TSNARE1: variants seen among roughly 807,000 people sequenced by gnomAD.
TSNARE1 encodes the protein t-SNARE domain-containing protein 1.
A neutral mutation model predicts 62.0 loss-of-function variants in TSNARE1; 49 were observed. The ratio of observed to expected loss-of-function variants is 0.79; its 90% CI spans 0.63 to 1.00. TSNARE1 has a LOEUF of 1.00. Ranked by LOEUF, TSNARE1 falls within the 50% of genes least tolerant of loss-of-function variation. The probability of loss-of-function intolerance (pLI) is 0.00; values close to 1 mark genes in which losing one functional copy is unlikely to be tolerated. For missense variants in TSNARE1, 755 were observed against 700.1 expected (o/e 1.08, Z -0.88); for synonymous variants, 328 against 294.4 (o/e 1.11, Z -1.17).
intron 13 of TSNARE1, among the ~76,000 whole-genome samples, chr8:142,217,025 C>T (rs1413764620): frequency 3.9e-5 from 6 of 151,934 alleles, no homozygotes; most frequent in Admixed American, 2.0e-4. Context: ...AGGCAGATCA[C>T]GAGGTCAGGA....
At chr8:142,366,203 A>G (rs1835538709) in intron 1 of TSNARE1, among the ~76,000 whole-genome samples, 1 of 151,954 alleles carries the variant, frequency 6.6e-6, no homozygotes, top group South Asian at 2.1e-4. Context: ...CGCCCGGCTA[A>G]TTTTTTGTAT....
chr8:142,380,274 G>T (rs1203249517), intron 1 of TSNARE1, among the ~76,000 whole-genome samples: 2 of 152,188 alleles, frequency 1.3e-5, no homozygotes, highest in Non-Finnish European at 2.9e-5. Context: ...CTCCGCAGAT[G>T]GATGCAGAGC....
At chr8:142,294,674 C>A (rs1193307322) in intron 10 of TSNARE1, among the ~76,000 whole-genome samples, 1 of 152,220 alleles carries the variant, frequency 6.6e-6, no homozygotes, top group African/African-American at 2.4e-5. Context: ...ACAGGGCCGG[C>A]ACAGCTGCAG....
At chr8:142,251,631 C>G (rs908269349) in intron 12 of TSNARE1, among the ~76,000 whole-genome samples, 3 of 152,064 alleles carry the variant, frequency 2.0e-5, no homozygotes, top group East Asian at 1.9e-4. Flanking sequence ...ATGAGAGGAG[C>G]CTTCGACACC....
intron 1 of TSNARE1, among the ~76,000 whole-genome samples, chr8:142,382,533 C>T (rs537113029): frequency 2.6e-5 from 4 of 152,148 alleles, no homozygotes; most frequent in East Asian, 2.0e-4. Flanking sequence ...CACCCCTGCA[C>T]GCAGCTGCAC....
chr8:142,375,988 G>C (rs1836304525), intron 1 of TSNARE1, among the ~76,000 whole-genome samples: 1 of 152,188 alleles, frequency 6.6e-6, no homozygotes, highest in Non-Finnish European at 1.5e-5. Context: ...GGGTACAACA[G>C]AGGCCCCTGT....
At chr8:142,240,499 T>G (rs1817629784) in intron 12 of TSNARE1, among the ~76,000 whole-genome samples, 1 of 152,134 alleles carries the variant, frequency 6.6e-6, no homozygotes, top group African/African-American at 2.4e-5. Flanking sequence ...CAAGCTTGAT[T>G]TGAGGGACAC....
chr8:142,356,555 A>G (rs1349076963), intron 1 of TSNARE1, among the ~76,000 whole-genome samples: 1 of 152,220 alleles, frequency 6.6e-6, no homozygotes, highest in Non-Finnish European at 1.5e-5. Flanking sequence ...CAGATGTGGA[A>G]GACAGCCCAA....
intron 12 of TSNARE1, among the ~76,000 whole-genome samples, chr8:142,245,326 A>G (rs759273047): frequency 4.6e-5 from 7 of 152,168 alleles, no homozygotes; most frequent in African/African-American, 1.7e-4. Context: ...ACTTTAGTAG[A>G]GAGCTGGAGA....
intron 1 of TSNARE1, among the ~76,000 whole-genome samples, chr8:142,391,592 G>A (rs1011700418): frequency 9.2e-5 from 14 of 152,188 alleles, no homozygotes; most frequent in African/African-American, 1.9e-4. Flanking sequence ...GGTTCCTGGC[G>A]CCTCCAAGCT....
At chr8:142,261,454 A>G (rs1324647753) in intron 12 of TSNARE1, among the ~76,000 whole-genome samples, 1 of 151,130 alleles carries the variant, frequency 6.6e-6, no homozygotes, top group Non-Finnish European at 1.5e-5. Flanking sequence ...CCGGGGAGGG[A>G]GAGTGGTGAA....
intron 12 of TSNARE1, chr8:142,270,021 C>A (rs1304932984): frequency 1.0e-6 from 1 of 985,344 alleles, no homozygotes; most frequent in African/African-American, 1.7e-5. Flanking sequence ...GACCAGCATG[C>A]CTCCCACTCA....
At chr8:142,222,502 A>AT in intron 13 of TSNARE1, among the ~76,000 whole-genome samples, 2 of 30,864 alleles carry the variant, frequency 6.5e-5, no homozygotes, top group South Asian at 9.2e-4. Flanking sequence ...CCACTCACTC[A>AT]TCCACTCACT....
At chr8:142,236,618 T>G (rs1181120919) in intron 12 of TSNARE1, among the ~76,000 whole-genome samples, 1 of 151,344 alleles carries the variant, frequency 6.6e-6, no homozygotes, top group Non-Finnish European at 1.5e-5. Flanking sequence ...TTAAAAAAAT[T>G]CAGAAATCCC....
chr8:142,259,216 T>G (rs1345349387), intron 12 of TSNARE1, among the ~76,000 whole-genome samples: 1 of 152,260 alleles, frequency 6.6e-6, no homozygotes, highest in Non-Finnish European at 1.5e-5. Context: ...CTCCCGTGAC[T>G]GCTGTCTCTA....
At chr8:142,229,658 T>A in intron 12 of TSNARE1, 79 bp from the exon 13 acceptor site, 1 of 1,395,902 alleles carries the variant, frequency 7.2e-7, no homozygotes, top group South Asian at 1.2e-5. Context: ...TTGTGCATAC[T>A]TTGGGCTGTG....
intron 12 of TSNARE1, among the ~76,000 whole-genome samples, chr8:142,265,124 T>TTGTG (rs35377443): frequency 1.3e-5 from 2 of 151,208 alleles, no homozygotes; most frequent in African/African-American, 4.9e-5. Flanking sequence ...TCTACTCAGT[T>TTGTG]TGTGTGTGTG....
chr8:142,276,819 G>C (rs1255178909), intron 11 of TSNARE1: 10 of 985,294 alleles, frequency 1.0e-5, no homozygotes, highest in Non-Finnish European at 1.1e-5. Context: ...ACCCAGGGCG[G>C]TCCCAGGGGC....
intron 12 of TSNARE1, among the ~76,000 whole-genome samples, chr8:142,256,654 C>T (rs1360874348): frequency 1.3e-5 from 2 of 152,030 alleles, no homozygotes; most frequent in Non-Finnish European, 2.9e-5. Context: ...GTAACTGTGC[C>T]ACATGCTTTC....
Sources: gnomAD v4.1 joint callset for allele counts (sites outside exome capture counted in the v4.1 genomes callset) on GRCh38, gnomAD v4.1.1 for gene constraint, MANE v1.5 for transcripts, NCBI Gene and HGNC (gene_info 2026-07-23, HGNC 2026-07-21) for gene names.